The following PKD1 variants were observed in gnomAD, a reference collection of about 807,000 sequenced individuals.
PKD1 encodes the protein polycystin 1, transient receptor potential channel interacting.
PKD1 carries 81 observed loss-of-function variants against 361.7 expected under a neutral mutation model. The observed-to-expected ratio is 0.22, with a 90% confidence interval of 0.19 to 0.27. The LOEUF (loss-of-function observed/expected upper bound fraction) is 0.27, where lower values mean the gene tolerates loss of function less well. Ranked by LOEUF, PKD1 falls within the 10% of genes least tolerant of loss-of-function variation. The pLI, the probability that PKD1 is intolerant of heterozygous loss-of-function variation, is 1.00. For synonymous variants in PKD1, 3,615 were observed against 2,818.3 expected (o/e 1.28, Z -8.95); for missense variants, 6,399 against 6,118.3 (o/e 1.05, Z -1.53).
Position 2,111,090 on chromosome 16 carries a change from C to T in PKD1, c.4077G>A (p.Leu1359=), listed in dbSNP as rs1356959308. The T allele has an allele frequency of 1.2e-6, 2 of 1,610,590 alleles. No individual in the cohort carries two copies. The highest frequency in any genetic ancestry group is 1.7e-6 in the Non-Finnish European group (2 of 1,179,782). The change falls in exon 15 of 46, where the codon CTG becomes CTA. Residue 1359 remains leucine (L), a synonymous_variant. Transcript: ENST00000262304. ...CCCTGTTCACGCGGCTGGACAGCAC[C>T]AGCGCCAGGGGGAACGTGCCGCTCC... The part of the protein sequence containing the change: ...FTRSGTFPLA[L]VLSSRVNRAH...
rs1393997103 is a variant in PKD1 at position 2,112,956 on chromosome 16, G to A, written c.2993C>T (p.Ala998Val). 7 of 1,599,486 alleles carry A rather than the reference G, an allele frequency of 4.4e-6. No individual in the cohort carries two copies. Among genetic ancestry groups the A allele is most frequent in the Admixed American group, 1.7e-5 (1 of 59,992 alleles). ...SAAVFKLSLT[A>V]SNHVSNVTVN... ...GGTGACGTTGCTCACGTGGTTGGAG[G>A]CCGTCAGCTGCAGGGACAGGCGTCA... is the stretch of plus-strand genomic sequence containing the variant. The change falls in exon 13 of 46, where the codon GCC becomes GTC. Residue 998 changes from alanine (A) to valine (V), a missense_variant. Transcript: ENST00000262304.
chr16:2,111,519 G>A lies in PKD1; in HGVS notation c.3648C>T (p.Ser1216=), dbSNP rs1278521191. The A allele has an allele frequency of 4.4e-6, 7 of 1,608,076 alleles. No individual in the cohort carries two copies. The highest frequency in any genetic ancestry group is 4.0e-5 in the African/African-American group (3 of 74,870). Reference sequence around the variant, plus strand: ...GCTCCACGGCCAGGCTCATGTCCACGCTGAGTCCGCGGAGCTCCTCAAAGA... The same window carrying A: ...GCTCCACGGCCAGGCTCATGTCCACACTGAGTCCGCGGAGCTCCTCAAAGA... ...VRVFEELRGL[S]VDMSLAVEQG... The change falls in exon 15 of 46, where the codon AGC becomes AGT. Residue 1216 remains serine (S), a synonymous_variant. Coordinates refer to ENST00000262304, the MANE Select transcript of PKD1 (RefSeq NM_001009944.3).
At position 2,109,575 on chromosome 16, in the gene PKD1, G is replaced by T; in HGVS notation, c.5592C>A (p.Ile1864=). ...TGACTGCGTTGGAGGCATTGAGCCG[G>T]ATGGAGAAGGTGCCAGCATCCGGGA... The part of the protein sequence containing the change: ...MVFPDAGTFS[I]RLNASNAVSW... The change falls in exon 15 of 46, where the codon ATC becomes ATA. Residue 1864 remains isoleucine, a synonymous_variant. Coordinates refer to ENST00000262304, the MANE Select transcript of PKD1 (RefSeq NM_001009944.3). The T allele has an allele frequency of 6.2e-7, 1 of 1,611,790 alleles. No individual in the cohort carries two copies.
rs1430318767 is a variant in PKD1, at chr16:2,112,459, T to C, written c.3176A>G (p.Asp1059Gly). The C allele has an allele frequency of 6.3e-7, 1 of 1,587,180 alleles. No individual in the cohort carries two copies. The highest frequency in any genetic ancestry group is 8.5e-7 in the Non-Finnish European group (1 of 1,175,338). Residue 1059 changes from aspartate (D) to glycine (G), a missense_variant, in exon 14 of 46, where the codon GAT (aspartate) becomes GGT (glycine). Asp to Gly is a moderately conservative substitution (Grantham distance 94). Transcript: ENST00000262304. ...GAACTGGTGGAGGGCCTGCTCCCCA[T>C]CCCCAAAGGTCCACCTGCCGGGGCG... Reference protein sequence around the residue: ...VEVAFLWTFGDGEQALHQFQP... With the variant: ...VEVAFLWTFGGGEQALHQFQP...
chr16:2,096,518 A>G (rs1360379868), intron 34 of PKD1, among the ~76,000 whole-genome samples: 1 of 151,400 alleles, frequency 6.6e-6, no homozygotes, highest in Non-Finnish European at 1.5e-5. Context: ...GAAATTGAGG[A>G]ATTTTTTTGT....
At position 2,097,383 on chromosome 16, in the gene PKD1, G is replaced by A. The variant is rs371003475; in HGVS notation, c.10341C>T (p.Gly3447=). The A allele has an allele frequency of 9.3e-6, 15 of 1,611,342 alleles. No individual in the cohort carries two copies. In the African/African-American group the frequency reaches 1.3e-4, roughly 14 times the overall value. ...LARGQAGHGL[G]PEEDGFSLAS... The stretch of plus-strand genomic sequence containing the variant: ...CCAGGGAGAAGCCGTCCTCCTCTGG[G>A]CCCAGCCCATGGCCCGCCTGGCCCC... The change falls in exon 33 of 46, where the codon GGC becomes GGT. Residue 3447 remains glycine (G), a synonymous_variant. Transcript: ENST00000262304.
chr16:2,121,064 A>C (rs1163552327), intron 1 of PKD1, among the ~76,000 whole-genome samples: 1 of 151,916 alleles, frequency 6.6e-6, no homozygotes, highest in Non-Finnish European at 1.5e-5. Flanking sequence ...GAGAGAGAGA[A>C]GAAAAGGAGA....
At position 2,092,212 on chromosome 16, in the gene PKD1, C is replaced by A. The variant is rs775572628; in HGVS notation, c.11270-24G>T. The A allele has an allele frequency of 8.2e-5, 129 of 1,566,784 alleles. 1 individual carries two copies. In the South Asian group the frequency reaches 1.4e-3, roughly 17 times the overall value. The stretch of plus-strand genomic sequence containing the variant: ...TGCTGAAACACACAGAGCCCCAGGC[C>A]GGGGCCAGGGCCTCATCAAAACCCA... On this transcript the variant is annotated intron_variant, in intron 39 of 45. Transcript: ENST00000262304.
rs2092193478 is a variant in PKD1, at chr16:2,103,547, C to G, written c.8510G>C (p.Gly2837Ala). The G allele has an allele frequency of 6.2e-7, 1 of 1,609,214 alleles. No homozygotes were observed. The highest frequency in any genetic ancestry group is 1.3e-5 in the African/African-American group (1 of 74,850). Residue 2837 changes from glycine to alanine, a missense_variant, in exon 23 of 46, where the codon GGC becomes GCC. Gly to Ala is a moderately conservative substitution (Grantham distance 60). Coordinates refer to ENST00000262304, the MANE Select transcript of PKD1 (RefSeq NM_001009944.3). ...FLVDSNPFPFGYISNYTVSTK... is the reference protein window; with the variant it reads ...FLVDSNPFPFAYISNYTVSTK... ...GGAGACGGTGTAGTTGCTGATATAG[C>G]CAAAGGGAAAGGGATTGGAGTCCAC...
At position 2,102,795 on chromosome 16, in the gene PKD1, G is replaced by T. The variant is rs533147937; in HGVS notation, c.8948+19C>A. The T allele has an allele frequency of 6.8e-6, 11 of 1,609,780 alleles. No homozygotes were observed. Among genetic ancestry groups the T allele is most frequent in the Middle Eastern group, 2.3e-4 (1 of 4,428 alleles). On this transcript the variant is annotated intron_variant, in intron 24 of 45. Coordinates refer to ENST00000262304, the MANE Select transcript of PKD1 (RefSeq NM_001009944.3). ...ATGATGCCCTGCCCTGCCCTGCCAGGCTGGCCCGCAGAGCTCACCCCGGGG... is the reference window on the plus strand; with the variant it reads ...ATGATGCCCTGCCCTGCCCTGCCAGTCTGGCCCGCAGAGCTCACCCCGGGG...
At chr16:2,102,731 C>T in intron 24 of PKD1, 83 bp downstream of exon 24, 1 of 1,604,362 alleles carries the variant, frequency 6.2e-7, no homozygotes, top group Non-Finnish European at 8.5e-7. Flanking sequence ...TCGCTGCCTG[C>T]CGTCCCCATG....
rs780507908 is a variant in PKD1, at chr16:2,115,414, G to T, written c.2061C>A (p.Leu687=). 4 of 1,575,392 alleles carry T rather than the reference G, an allele frequency of 2.5e-6. No individual in the cohort carries two copies. The African/African-American group carries it at 5.4e-5, about 21-fold the overall frequency. ...GAPYALWREF[L]FSVPAGPPAQ... is the part of the protein sequence containing the mutation. Reference sequence around the variant, plus strand: ...CGGGGGGCCCCGCGGGAACGGAGAAGAGGAACTCTCTCCATAGCGCATAGG... The same window carrying T: ...CGGGGGGCCCCGCGGGAACGGAGAATAGGAACTCTCTCCATAGCGCATAGG... Residue 687 remains leucine, a synonymous_variant, in exon 10 of 46, where the codon CTC becomes CTA. Transcript: ENST00000262304.
intron 1 of PKD1, among the ~76,000 whole-genome samples, chr16:2,125,192 G>A (rs1008804363): frequency 6.6e-6 from 1 of 152,234 alleles, no homozygotes; most frequent in Admixed American, 6.5e-5. Context: ...GCTGCAGTTT[G>A]GGACGGTGCT....
At position 2,094,162 on chromosome 16, in the gene PKD1, C is replaced by T. The variant is rs2091739822; in HGVS notation, c.10548G>A (p.Leu3516=). 1 of 1,604,280 alleles carries T rather than the reference C, an allele frequency of 6.2e-7. No individual in the cohort carries two copies. Among genetic ancestry groups the T allele is most frequent in the South Asian group, 1.1e-5 (1 of 89,572 alleles). The change falls in exon 35 of 46, where the codon CTG becomes CTA. Residue 3516 remains leucine, a synonymous_variant. Coordinates refer to ENST00000262304, the MANE Select transcript of PKD1 (RefSeq NM_001009944.3). The part of the protein sequence containing the change: ...EKTETLALQR[L]GELGPPSPGL... ...CTGGGCTGGGTGGCCCCAGCTCCCC[C>T]AGCCTCTGCAGCGCCAGCGTCTCTG...
intron 26 of PKD1, among the ~76,000 whole-genome samples, chr16:2,101,402 C>T (rs1161928232): frequency 1.3e-5 from 2 of 152,138 alleles, no homozygotes; most frequent in Admixed American, 1.3e-4. Flanking sequence ...CATCCCAGCA[C>T]TCTGGCAGGC....
intron 37 of PKD1, 91 bp from the exon 38 acceptor site, chr16:2,093,184 G>A (rs2091678662): frequency 2.7e-6 from 4 of 1,489,724 alleles, no homozygotes; most frequent in Admixed American, 1.7e-5. Flanking sequence ...GCTGCGGCAG[G>A]TGTGGCTGCA....
At chr16:2,133,693 G>A (rs1337475102) in intron 1 of PKD1, among the ~76,000 whole-genome samples, 9 of 152,152 alleles carry the variant, frequency 5.9e-5, no homozygotes, top group South Asian at 2.1e-4. Flanking sequence ...CTCTCCCAGC[G>A]GCGGCCCCAG....
chr16:2,129,306 C>T (rs1014946423), intron 1 of PKD1, among the ~76,000 whole-genome samples: 2 of 151,270 alleles, frequency 1.3e-5, no homozygotes, highest in African/African-American at 4.9e-5. Flanking sequence ...ACTACAGGCG[C>T]CACCACTAAT....
chr16:2,126,924 C>T (rs2854560), intron 1 of PKD1, among the ~76,000 whole-genome samples: 1 of 152,194 alleles, frequency 6.6e-6, no homozygotes. Flanking sequence ...CCACATTTGG[C>T]AGCGGTGCCC....
Sources: gnomAD v4.1 joint callset for allele counts (sites outside exome capture counted in the v4.1 genomes callset) on GRCh38, gnomAD v4.1.1 for gene constraint, MANE v1.5 for transcripts, NCBI Gene and HGNC (gene_info 2026-07-23, HGNC 2026-07-21) for gene names.